Variants in GRIK1 observed in about 807,000 individuals in gnomAD.
GRIK1 encodes glutamate ionotropic receptor kainate type subunit 1.
A neutral mutation model predicts 105.7 loss-of-function variants in GRIK1; 69 were observed. The ratio of observed to expected loss-of-function variants is 0.65; its 90% CI spans 0.54 to 0.80. GRIK1 has a LOEUF of 0.80. Among genes scored for constraint, GRIK1 ranks in the 30% least tolerant of loss-of-function variants. The pLI is 0.00. For missense variants in GRIK1, 1,109 were observed against 1,167.3 expected (o/e 0.95, Z 0.73); for synonymous variants, 438 against 431.3 (o/e 1.02, Z -0.19).
At chr21:29,761,024 C>T (rs2065500576) in intron 1 of GRIK1, among the ~76,000 whole-genome samples, 1 of 152,178 alleles carries the variant, frequency 6.6e-6, no homozygotes, top group African/African-American at 2.4e-5. Context: ...CTGTGTGATA[C>T]TTGCTGATCA....
chr21:29,560,400 C>CCTTCCTTCCTTTCTTTCTTTCTTTCTTT (rs1491373479), intron 15 of GRIK1, among the ~76,000 whole-genome samples: 2 of 67,120 alleles, frequency 3.0e-5, no homozygotes, highest in African/African-American at 9.3e-5. Flanking sequence ...TTCCTTCCTT[C>CCTTCCTTCCTTTCTTTCTTTCTTTCTTT]CTTTCTTTCT....
intron 9 of GRIK1, chr21:29,596,290 G>T (rs967385099): frequency 4.9e-5 from 32 of 650,790 alleles, no homozygotes; most frequent in Middle Eastern, 5.8e-4. Flanking sequence ...AAATAATCTT[G>T]GGGGAAATAT....
chr21:29,585,468 T>C (rs2091110734), intron 12 of GRIK1, among the ~76,000 whole-genome samples: 1 of 152,188 alleles, frequency 6.6e-6, no homozygotes, highest in Non-Finnish European at 1.5e-5. Flanking sequence ...CTACTGGCTT[T>C]GGTCAAGTCA....
At chr21:29,591,069 G>A in intron 10 of GRIK1, 43 bp downstream of exon 10, 1 of 1,040,782 alleles carries the variant, frequency 9.6e-7, no homozygotes, top group Non-Finnish European at 1.5e-6. Flanking sequence ...GTCTAAGGCA[G>A]GAGCCTGGAT....
intron 1 of GRIK1, among the ~76,000 whole-genome samples, chr21:29,746,074 A>T (rs1337838169): frequency 6.6e-6 from 1 of 152,212 alleles, no homozygotes; most frequent in Non-Finnish European, 1.5e-5. Context: ...ACTGCACTCC[A>T]GCCTGGGTGA....
At chr21:29,817,543 T>C (rs1163106366) in intron 1 of GRIK1, among the ~76,000 whole-genome samples, 1 of 152,124 alleles carries the variant, frequency 6.6e-6, no homozygotes, top group Non-Finnish European at 1.5e-5. Flanking sequence ...TGGCAGGTAG[T>C]GACAATACAC....
At chr21:29,792,103 G>T (rs922006962) in intron 1 of GRIK1, among the ~76,000 whole-genome samples, 2 of 152,090 alleles carry the variant, frequency 1.3e-5, no homozygotes, top group South Asian at 4.1e-4. Context: ...TGTTATGTGT[G>T]TGTGTATATA....
At chr21:29,855,953 T>C (rs769579451) in intron 1 of GRIK1, among the ~76,000 whole-genome samples, 1 of 152,116 alleles carries the variant, frequency 6.6e-6, no homozygotes, top group Non-Finnish European at 1.5e-5. Flanking sequence ...TGGTAAAGGA[T>C]GGAAGACTGG....
intron 1 of GRIK1, among the ~76,000 whole-genome samples, chr21:29,744,471 C>G (rs527965321): frequency 7.9e-4 from 121 of 152,248 alleles, no homozygotes; most frequent in Admixed American, 4.6e-4. Context: ...TGTCTTTGTT[C>G]CACTTTTCAA....
At chr21:29,891,035 A>G (rs1000821383) in intron 1 of GRIK1, among the ~76,000 whole-genome samples, 1 of 152,214 alleles carries the variant, frequency 6.6e-6, no homozygotes, top group African/African-American at 2.4e-5. Flanking sequence ...CTCTGATATA[A>G]CATCTTTTTT....
chr21:29,893,227 C>A (rs1042027441), intron 1 of GRIK1, among the ~76,000 whole-genome samples: 21 of 152,184 alleles, frequency 1.4e-4, no homozygotes, highest in Non-Finnish European at 2.1e-4. Flanking sequence ...GAGTCAGATT[C>A]ATCTTAGGTT....
chr21:29,673,831 CTATTGGT>C (rs1225391075), intron 3 of GRIK1, among the ~76,000 whole-genome samples: 3 of 151,998 alleles, frequency 2.0e-5, no homozygotes, highest in African/African-American at 4.8e-5. Flanking sequence ...AAAAAATTCC[CTATTGGT>C]TATTGCAACA....
At chr21:29,567,164 C>G (rs1434180225) in intron 14 of GRIK1, among the ~76,000 whole-genome samples, 1 of 152,148 alleles carries the variant, frequency 6.6e-6, no homozygotes, top group Non-Finnish European at 1.5e-5. Flanking sequence ...TATATTGTTT[C>G]CTTTCCTTTA....
Position 29,560,357 on chromosome 21 carries a change from TTTTC to T in GRIK1, c.2356+1263_2356+1266del, listed in dbSNP as rs1389714187. The stretch of plus-strand genomic sequence containing the variant: ...TTTCTTTCTTTCTTTCTTTCTTTCT[TTTTC>T]TTTCTTCCTTCCTTCCTTCCTTCCT... On this transcript the variant is annotated intron_variant, in intron 15 of 17. Transcript: ENST00000327783. 2.7e-3 allele frequency among the ~76,000 whole-genome samples: 159 copies of T among 58,170 alleles called. 6 individuals carry two copies. The highest frequency in any genetic ancestry group is 5.6e-3 in the African/African-American group (67 of 12,040). 38.2% of individuals were successfully genotyped at this position (58,170 alleles called of 152,430 possible).
chr21:29,619,460 C>T (rs184410637), intron 7 of GRIK1, among the ~76,000 whole-genome samples: 49 of 151,648 alleles, frequency 3.2e-4, no homozygotes, highest in Admixed American at 7.9e-4. Context: ...AATGATTCAA[C>T]GGACTTTGGT....
At chr21:29,873,493 A>G (rs368975078) in intron 1 of GRIK1, among the ~76,000 whole-genome samples, 80 of 152,316 alleles carry the variant, frequency 5.3e-4, no homozygotes, top group African/African-American at 1.7e-3. Flanking sequence ...AATCAACCAC[A>G]TAGAGCTGTG....
chr21:29,597,646 G>T, intron 8 of GRIK1: 2 of 468,242 alleles, frequency 4.3e-6, no homozygotes, highest in Non-Finnish European at 8.9e-6. Context: ...CAACAGAGGG[G>T]CAAATCAGAG....
chr21:29,640,145 C>T (rs1280265454), intron 7 of GRIK1, among the ~76,000 whole-genome samples: 1 of 140,434 alleles, frequency 7.1e-6, no homozygotes, highest in Non-Finnish European at 1.5e-5. Flanking sequence ...AACTTCTTTA[C>T]AAAGTGAGAA....
intron 1 of GRIK1, among the ~76,000 whole-genome samples, chr21:29,852,471 C>T (rs1201955198): frequency 1.3e-5 from 2 of 152,256 alleles, no homozygotes; most frequent in African/African-American, 4.8e-5. Flanking sequence ...CTTCAATGGC[C>T]CCTTATCAGT....
Sources: allele counts gnomAD v4.1 joint callset (sites outside exome capture counted in the v4.1 genomes callset), GRCh38; gene constraint gnomAD v4.1.1; transcripts MANE v1.5; gene names NCBI Gene and HGNC (gene_info 2026-07-23, HGNC 2026-07-21).